FRMD4B: variants seen among roughly 807,000 people sequenced by gnomAD.
FRMD4B encodes FERM domain-containing protein 4B.
A neutral mutation model predicts 141.5 loss-of-function variants in FRMD4B; 74 were observed. The observed-to-expected ratio is 0.52, with a 90% CI of 0.43 to 0.63. The LOEUF is 0.63. Ranked by LOEUF, FRMD4B falls within the 30% of genes least tolerant of loss-of-function variation. The pLI is 0.00. For synonymous variants in FRMD4B, 506 were observed against 467.9 expected (o/e 1.08, Z -1.05); for missense variants, 1,366 against 1,253.4 (o/e 1.09, Z -1.36).
intron 17 of FRMD4B, among the ~76,000 whole-genome samples, chr3:69,190,721 T>C (rs1036717279): frequency 6.6e-6 from 1 of 152,166 alleles, no homozygotes; most frequent in Non-Finnish European, 1.5e-5. Flanking sequence ...GGCCAAGCTT[T>C]TCAACAGGTT....
At chr3:69,198,984 A>C (rs531229648) in intron 11 of FRMD4B, 4 of 528,414 alleles carry the variant, frequency 7.6e-6, no homozygotes, top group South Asian at 2.2e-5. Context: ...ATTAAGATTC[A>C]CCTCGGCCGG....
intron 2 of FRMD4B, among the ~76,000 whole-genome samples, chr3:69,424,738 A>G (rs1431059376): frequency 6.6e-6 from 1 of 152,226 alleles, no homozygotes; most frequent in African/African-American, 2.4e-5. Context: ...ACTACCTTAA[A>G]TCCCAATATG....
At chr3:69,427,234 C>A (rs1382205780) in intron 2 of FRMD4B, among the ~76,000 whole-genome samples, 1 of 149,220 alleles carries the variant, frequency 6.7e-6, no homozygotes, top group Non-Finnish European at 1.5e-5. Flanking sequence ...GTAAAAATAA[C>A]TCTGGGAAAC....
chr3:69,182,139 T>C (rs1323020575), intron 20 of FRMD4B, among the ~76,000 whole-genome samples: 2 of 152,230 alleles, frequency 1.3e-5, no homozygotes, highest in East Asian at 1.9e-4. Flanking sequence ...ATGGCACTGC[T>C]ATTTCCCAGC....
chr3:69,444,424 G>A (rs1705383409), intron 1 of FRMD4B, among the ~76,000 whole-genome samples: 1 of 152,244 alleles, frequency 6.6e-6, no homozygotes, highest in East Asian at 1.9e-4. Context: ...AGAACTGACT[G>A]CTTAGTGTGG....
chr3:69,284,081 C>T (rs1259382788), intron 5 of FRMD4B, among the ~76,000 whole-genome samples: 5 of 152,092 alleles, frequency 3.3e-5, no homozygotes, highest in Non-Finnish European at 7.3e-5. Flanking sequence ...CCTATGACTG[C>T]CCCCAGTACT....
At chr3:69,414,787 C>G (rs1488101533) in intron 2 of FRMD4B, among the ~76,000 whole-genome samples, 1 of 152,112 alleles carries the variant, frequency 6.6e-6, no homozygotes, top group African/African-American at 2.4e-5. Context: ...GTGTTGTCCT[C>G]CAGGGACTCC....
At chr3:69,490,165 A>G (rs1446046995) in intron 1 of FRMD4B, among the ~76,000 whole-genome samples, 1 of 152,202 alleles carries the variant, frequency 6.6e-6, no homozygotes, top group African/African-American at 2.4e-5. Flanking sequence ...TTGCCCTAAT[A>G]TGATTACACT....
intron 2 of FRMD4B, among the ~76,000 whole-genome samples, chr3:69,408,214 C>G (rs1704685226): frequency 6.6e-6 from 1 of 152,162 alleles, no homozygotes; most frequent in Admixed American, 6.5e-5. Context: ...AAATTTGTTT[C>G]TAGAAAGGAA....
At chr3:69,533,900 TGA>T (rs1701041742) in intron 1 of FRMD4B, among the ~76,000 whole-genome samples, 1 of 152,172 alleles carries the variant, frequency 6.6e-6, no homozygotes. Context: ...CTTCCTAACA[TGA>T]TTACGCATCT....
chr3:69,501,419 T>G (rs1444857137), intron 1 of FRMD4B, among the ~76,000 whole-genome samples: 1 of 152,162 alleles, frequency 6.6e-6, no homozygotes, highest in East Asian at 1.9e-4. Context: ...GCATGGATTC[T>G]GTAGCTCAGC....
At chr3:69,423,148 G>C (rs1705011957) in intron 2 of FRMD4B, among the ~76,000 whole-genome samples, 1 of 152,152 alleles carries the variant, frequency 6.6e-6, no homozygotes, top group Non-Finnish European at 1.5e-5. Flanking sequence ...CAATACTCAA[G>C]GTACTTTTTT....
chr3:69,516,002 G>T (rs963884365), intron 1 of FRMD4B, among the ~76,000 whole-genome samples: 1 of 152,000 alleles, frequency 6.6e-6, no homozygotes, highest in African/African-American at 2.4e-5. Context: ...GACGCAGGAG[G>T]AACATTGGGG....
At chr3:69,371,308 G>A (rs898753186) in intron 1 of FRMD4B, among the ~76,000 whole-genome samples, 5 of 152,156 alleles carry the variant, frequency 3.3e-5, no homozygotes, top group African/African-American at 1.2e-4. Flanking sequence ...GAGGGGAAGG[G>A]TGCTGGGAGT....
In FRMD4B at chr3:69,366,694, T is replaced by C. The variant is rs75684234; in HGVS notation, c.162+19134A>G. ...TTAATGATAAAAACTCTATAGTTCT[T>C]AAAAGAGCACAAACACGACCTTTTT... is the stretch of plus-strand genomic sequence containing the variant. On this transcript the variant is annotated intron_variant, in intron 1 of 22. Coordinates refer to ENST00000398540, the MANE Select transcript of FRMD4B (RefSeq NM_015123.3). Among the ~76,000 whole-genome samples the C allele has an allele frequency of 3.5e-3, 517 of 149,610 alleles. 4 individuals are homozygous for C. Among genetic ancestry groups the C allele is most frequent in the Middle Eastern group, 0.014 (4 of 288 alleles).
intron 5 of FRMD4B, among the ~76,000 whole-genome samples, chr3:69,264,812 T>A (rs1559762318): frequency 6.6e-6 from 1 of 152,154 alleles, no homozygotes; most frequent in Non-Finnish European, 1.5e-5. Flanking sequence ...TGGGTGTGTA[T>A]CACAGTTTCA....
chr3:69,397,344 C>G (rs991903984), intron 2 of FRMD4B, among the ~76,000 whole-genome samples: 4 of 151,854 alleles, frequency 2.6e-5, no homozygotes, highest in African/African-American at 9.7e-5. Context: ...TAGGGTATGA[C>G]TATTAATGGG....
chr3:69,215,982 C>T (rs548030217), intron 11 of FRMD4B, among the ~76,000 whole-genome samples: 1 of 152,048 alleles, frequency 6.6e-6, no homozygotes, highest in Non-Finnish European at 1.5e-5. Context: ...GGCAAAACCC[C>T]GTCTCTACTA....
At chr3:69,187,528 G>A (rs2092781432) in intron 19 of FRMD4B, among the ~76,000 whole-genome samples, 1 of 144,612 alleles carries the variant, frequency 6.9e-6, no homozygotes, top group Non-Finnish European at 1.5e-5. Flanking sequence ...CAACAAGAGT[G>A]AAACTCCACC....
Sources: gnomAD v4.1 joint callset for allele counts (sites outside exome capture counted in the v4.1 genomes callset) on GRCh38, gnomAD v4.1.1 for gene constraint, MANE v1.5 for transcripts, NCBI Gene and HGNC (gene_info 2026-07-23, HGNC 2026-07-21) for gene names.